The following TENM2 variants were observed in gnomAD, a reference collection of about 807,000 sequenced individuals.
The protein encoded by TENM2 is teneurin transmembrane protein 2, also known as teneurin-2.
A neutral mutation model predicts 245.2 loss-of-function variants in TENM2; 52 were observed. The observed-to-expected ratio is 0.21, with a 90% CI of 0.17 to 0.27. The LOEUF (loss-of-function observed/expected upper bound fraction) is 0.27. TENM2 is among the 10% of genes least tolerant of loss of function. The pLI is 1.00. For missense variants in TENM2, 3,046 were observed against 3,666.8 expected, an observed-to-expected ratio of 0.83 and a Z score of 4.37; for synonymous variants, 1,363 against 1,438.9, an observed-to-expected ratio of 0.95 and a Z score of 1.19.
intron 2 of TENM2, among the ~76,000 whole-genome samples, chr5:167,615,333 T>C (rs568771530): frequency 6.6e-6 from 1 of 152,226 alleles, no homozygotes; most frequent in Non-Finnish European, 1.5e-5. Context: ...GGAAATTGAC[T>C]GTTGATGTCT....
chr5:168,225,452 A>G (rs1764077246), intron 23 of TENM2, among the ~76,000 whole-genome samples: 1 of 152,228 alleles, frequency 6.6e-6, no homozygotes, highest in Non-Finnish European at 1.5e-5. Flanking sequence ...ATGGCTTTGT[A>G]GAAGACCTAA....
chr5:168,082,275 C>T (rs1792072690), intron 7 of TENM2, among the ~76,000 whole-genome samples: 1 of 152,210 alleles, frequency 6.6e-6, no homozygotes, highest in Non-Finnish European at 1.5e-5. Context: ...ATGGTTTCAG[C>T]TCCATCAGGT....
At position 168,218,148 on chromosome 5, in the gene TENM2, C is replaced by T; in HGVS notation, c.4257C>T (p.Asp1419=). The T allele has an allele frequency of 6.2e-7, 1 of 1,613,486 alleles. No homozygotes were observed. The highest frequency in any genetic ancestry group is 8.5e-7 in the Non-Finnish European group (1 of 1,179,506). The stretch of plus-strand genomic sequence containing the variant: ...AGGTTCGTCTGGAGTGGCCAACAGA[C>T]CTTGCTGTCAATCCCATGGATAACT... Residue 1419 remains aspartate (D), a synonymous_variant, in exon 23 of 29, where the codon GAC becomes GAT. Coordinates refer to ENST00000518659, the Ensembl canonical transcript of TENM2. The surrounding 1 kb of genome is among the most constrained non-coding windows in gnomAD (Gnocchi z 5.2).
At chr5:168,096,559 A>G (rs1793387297) in intron 8 of TENM2, among the ~76,000 whole-genome samples, 1 of 152,236 alleles carries the variant, frequency 6.6e-6, no homozygotes, top group African/African-American at 2.4e-5. Context: ...CTGGAAGATG[A>G]GAGCTGAGAA....
chr5:167,620,588 A>T (rs1350866829), intron 2 of TENM2, among the ~76,000 whole-genome samples: 5 of 144,668 alleles, frequency 3.5e-5, no homozygotes, highest in South Asian at 2.2e-4. Flanking sequence ...CTGAGCTCAA[A>T]ATGTGCTATA....
intron 12 of TENM2, among the ~76,000 whole-genome samples, chr5:168,155,983 T>A (rs1194768789): frequency 6.6e-6 from 1 of 151,658 alleles, no homozygotes; most frequent in East Asian, 1.9e-4. Flanking sequence ...ATTTCTTGAA[T>A]GTCTGTTACG....
the TENM2 span, among the ~76,000 whole-genome samples, chr5:167,276,497 G>C: frequency 6.6e-6 from 1 of 151,828 alleles, no homozygotes; most frequent in Non-Finnish European, 1.5e-5. Flanking sequence ...GTTGTCATAT[G>C]AAATATTTGA....
At chr5:167,521,707 G>A (rs1582278484) in intron 2 of TENM2, among the ~76,000 whole-genome samples, 1 of 152,098 alleles carries the variant, frequency 6.6e-6, no homozygotes, top group East Asian at 1.9e-4. Flanking sequence ...TATTGCTGTT[G>A]TGTTGGAGCG....
chr5:167,181,062 CT>C, the TENM2 span, among the ~76,000 whole-genome samples: 3 of 151,832 alleles, frequency 2.0e-5, no homozygotes, highest in African/African-American at 7.3e-5. Context: ...CCTAGTGTTT[CT>C]TTGTTACGTA....
At chr5:167,610,235 G>A (rs939071811) in intron 2 of TENM2, among the ~76,000 whole-genome samples, 3 of 152,100 alleles carry the variant, frequency 2.0e-5, no homozygotes, top group African/African-American at 7.2e-5. Context: ...GCCTTCCCCA[G>A]AAGCACCACC....
chr5:167,850,053 T>C (rs2151202691), intron 2 of TENM2, among the ~76,000 whole-genome samples: 1 of 152,168 alleles, frequency 6.6e-6, no homozygotes, highest in East Asian at 1.9e-4. Context: ...GGGCTGAAAG[T>C]CCCAACACTC....
chr5:167,364,768 AG>A (rs1759939849), intron 1 of TENM2, among the ~76,000 whole-genome samples: 1 of 152,026 alleles, frequency 6.6e-6, no homozygotes. Context: ...GGGATATAAA[AG>A]TCTATGTGCC....
chr5:167,657,202 T>C (rs970897095), intron 2 of TENM2, among the ~76,000 whole-genome samples: 2 of 152,224 alleles, frequency 1.3e-5, no homozygotes, highest in East Asian at 3.8e-4. Context: ...GTTTTTTATC[T>C]TTCACATGAG....
At chr5:168,006,159 G>A (rs1356831254) in intron 5 of TENM2, among the ~76,000 whole-genome samples, 1 of 152,162 alleles carries the variant, frequency 6.6e-6, no homozygotes, top group Non-Finnish European at 1.5e-5. Flanking sequence ...TAGCCCATCT[G>A]TTCACAGCCC....
At chr5:167,690,550 T>C (rs1757359659) in intron 2 of TENM2, among the ~76,000 whole-genome samples, 1 of 152,224 alleles carries the variant, frequency 6.6e-6, no homozygotes, top group Non-Finnish European at 1.5e-5. Context: ...ATTACCATTT[T>C]TTGCGACTAA....
intron 2 of TENM2, among the ~76,000 whole-genome samples, chr5:167,418,695 TACA>T (rs1763309412): frequency 6.6e-6 from 1 of 152,186 alleles, no homozygotes; most frequent in Admixed American, 6.6e-5. Flanking sequence ...CATTTCTTTT[TACA>T]ACATTTTGTT....
chr5:167,749,246 A>T (rs921291860), intron 2 of TENM2, among the ~76,000 whole-genome samples: 2 of 152,208 alleles, frequency 1.3e-5, no homozygotes, highest in African/African-American at 4.8e-5. Context: ...GAGAGATTAA[A>T]TAAGACATTA....
chr5:167,120,770 A>G, the TENM2 span, among the ~76,000 whole-genome samples: 1 of 152,240 alleles, frequency 6.6e-6, no homozygotes, highest in Non-Finnish European at 1.5e-5. Context: ...GTGGAAGCAG[A>G]AAAGTTTTTA....
At chr5:167,015,377 A>G in the TENM2 span, among the ~76,000 whole-genome samples, 6 of 152,182 alleles carry the variant, frequency 3.9e-5, no homozygotes, top group African/African-American at 1.4e-4. Flanking sequence ...TTCTTTGCCT[A>G]ATGATATTTT....
Sources: allele counts gnomAD v4.1 joint callset (sites outside exome capture counted in the v4.1 genomes callset), GRCh38; gene constraint gnomAD v4.1.1; non-coding constraint Gnocchi (gnomAD v3.1); transcripts MANE v1.5; gene names NCBI Gene and HGNC (gene_info 2026-07-23, HGNC 2026-07-21).